Variants in MSN observed in about 807,000 individuals in gnomAD.
MSN encodes moesin.
MSN carries 2 observed loss-of-function variants against 48.0 expected under a neutral mutation model. The observed-to-expected ratio is 0.04, with a 90% CI of 0.02 to 0.13. MSN has a LOEUF of 0.13. Ranked by LOEUF, MSN falls within the 10% of genes least tolerant of loss-of-function variation. MSN has a pLI of 1.00. For missense variants in MSN, 267 were observed against 470.1 expected, an observed-to-expected ratio of 0.57 and a Z score of 3.99; for synonymous variants, 146 against 166.9, an observed-to-expected ratio of 0.87 and a Z score of 0.97.
intron 1 of MSN, among the ~76,000 whole-genome samples, chrX:65,704,990 C>T (rs2071347152): frequency 9.1e-6 from 1 of 110,393 alleles, no homozygotes; most frequent in African/African-American, 3.3e-5. Context: ...AGGCTGGTCT[C>T]GAACTCCTGA....
intron 1 of MSN, among the ~76,000 whole-genome samples, chrX:65,594,282 T>C (rs1283308741): frequency 9.0e-6 from 1 of 111,501 alleles, no homozygotes; most frequent in Admixed American, 9.6e-5. Flanking sequence ...GGGAGTTCTG[T>C]CACCTCAGAG....
intron 4 of MSN, 111 bp from the exon 5 acceptor site, chrX:65,730,996 C>A: frequency 3.6e-6 from 2 of 562,334 alleles, no homozygotes; most frequent in Non-Finnish European, 5.6e-6. Context: ...CCTCAATTGG[C>A]TGACTCTACA....
chrX:65,642,857 T>G (rs55752216), intron 1 of MSN, among the ~76,000 whole-genome samples: 4,558 of 110,142 alleles, frequency 0.041, 236 homozygotes, highest in African/African-American at 0.14. Flanking sequence ...GATGGGAAAG[T>G]CAAGGGCAGG....
At chrX:65,707,054 C>A (rs1255775847) in intron 1 of MSN, among the ~76,000 whole-genome samples, 1 of 111,661 alleles carries the variant, frequency 9.0e-6, no homozygotes, top group Non-Finnish European at 1.9e-5. Context: ...TGTAGCTGGG[C>A]TACAGCTCAC....
intron 1 of MSN, among the ~76,000 whole-genome samples, chrX:65,661,951 T>C (rs2070827217): frequency 8.9e-6 from 1 of 112,120 alleles, no homozygotes; most frequent in African/African-American, 3.2e-5. Context: ...TAGGCGGAGG[T>C]TGCAATGAGC....
chrX:65,633,693 G>A (rs926065177), intron 1 of MSN, among the ~76,000 whole-genome samples: 4 of 111,990 alleles, frequency 3.6e-5, no homozygotes, highest in African/African-American at 1.3e-4. Flanking sequence ...CTTCCTCTGA[G>A]CCTTAGTTGC....
intron 1 of MSN, among the ~76,000 whole-genome samples, chrX:65,591,818 T>A (rs2148347748): frequency 9.0e-6 from 1 of 111,100 alleles, no homozygotes; most frequent in Non-Finnish European, 1.9e-5. Context: ...CCCTCTCAAC[T>A]AGTTCTCCCC....
intron 1 of MSN, among the ~76,000 whole-genome samples, chrX:65,642,168 C>T (rs112411544): frequency 0.11 from 10,501 of 95,348 alleles, 628 homozygotes; most frequent in Middle Eastern, 0.17. Flanking sequence ...GAAACGAAAA[C>T]AACTCAGTGT....
chrX:65,736,601 A>T (rs2071678742), intron 8 of MSN, among the ~76,000 whole-genome samples, 194 bp from the exon 9 acceptor site: 1 of 109,746 alleles, frequency 9.1e-6, no homozygotes, highest in African/African-American at 3.3e-5. Context: ...TGCCCAGCCA[A>T]TTTTTTTTGT....
rs183442426 is a variant in MSN at position 65,620,610 on chromosome X, G to A, written c.-22+31998G>A. 5.4e-3 allele frequency among the ~76,000 whole-genome samples: 603 copies of A among 112,528 alleles called. 4 individuals are homozygous for A. Among genetic ancestry groups the A allele is most frequent in the African/African-American group, 0.017 (528 of 31,120 alleles). Reference sequence around the variant, plus strand: ...CCCACTGACCTGCGCCCACTGTCTGGCACTCCCTAGTGAGATGAACCCGGT... The same window carrying A: ...CCCACTGACCTGCGCCCACTGTCTGACACTCCCTAGTGAGATGAACCCGGT... On this transcript the variant is annotated intron_variant, in intron 1 of 3. Transcript: ENST00000609672.
intron 1 of MSN, among the ~76,000 whole-genome samples, chrX:65,634,309 A>G (rs1190286623): frequency 8.9e-6 from 1 of 112,667 alleles, no homozygotes; most frequent in Non-Finnish European, 1.9e-5. Flanking sequence ...ATGCAAAAGA[A>G]AAACAACAAT....
At chrX:65,729,868 G>T (rs1433905278) in intron 4 of MSN, among the ~76,000 whole-genome samples, 156 bp downstream of exon 4, 1 of 112,547 alleles carries the variant, frequency 8.9e-6, no homozygotes, top group Non-Finnish European at 1.9e-5. Flanking sequence ...TGCATATAGT[G>T]TCAGACTCTG....
At chrX:65,700,598 C>T (rs2071292654) in intron 1 of MSN, among the ~76,000 whole-genome samples, 2 of 111,634 alleles carry the variant, frequency 1.8e-5, no homozygotes, top group Admixed American at 1.9e-4. Context: ...GTCCTGCTAC[C>T]CTGGGGTGCT....
chrX:65,599,654 G>C, intron 1 of MSN, among the ~76,000 whole-genome samples: 1 of 112,088 alleles, frequency 8.9e-6, no homozygotes, highest in Middle Eastern at 4.6e-3. Flanking sequence ...TTCAAAGTAG[G>C]TAGGATTTTG....
At chrX:65,625,056 A>T (rs1319210473) in intron 1 of MSN, 1 of 112,054 alleles carries the variant, frequency 8.9e-6, no homozygotes, top group Non-Finnish European at 1.9e-5. Flanking sequence ...TTGGTTGCTT[A>T]TGTCATTTAA....
At chrX:65,656,013 C>T (rs985697380) in intron 1 of MSN, among the ~76,000 whole-genome samples, 8 of 111,825 alleles carry the variant, frequency 7.2e-5, no homozygotes, top group Non-Finnish European at 7.5e-5. Context: ...GTGATTCACC[C>T]GCCTTGGCCT....
chrX:65,697,447 G>A (rs2071256353), intron 1 of MSN, among the ~76,000 whole-genome samples: 1 of 111,723 alleles, frequency 9.0e-6, no homozygotes, highest in African/African-American at 3.3e-5. Context: ...CAGGGAGTCC[G>A]AGCTGTTTAG....
rs770882351 is a variant in MSN, at chrX:65,735,425, G to A, written c.954G>A (p.Met318Ile). 3 of 1,203,473 alleles carry A rather than the reference G, an allele frequency of 2.5e-6. No individual in the cohort carries two copies. The highest frequency in any genetic ancestry group is 3.4e-6 in the Non-Finnish European group (3 of 890,849). Reference protein sequence around the residue: ...QAREEKHQKQMERAMLENEKK... With the variant: ...QAREEKHQKQIERAMLENEKK... ...GGGAGGAGAAGCACCAGAAGCAGATGGAGCGGTAGGTGCTGCACACTGATG... is the reference window on the plus strand; with the variant it reads ...GGGAGGAGAAGCACCAGAAGCAGATAGAGCGGTAGGTGCTGCACACTGATG... Residue 318 changes from methionine to isoleucine, a missense_variant, in exon 8 of 13, where the codon ATG becomes ATA. Around this residue, in one of 5 missense-constraint regions of MSN, gnomAD observed 58 missense variants for 104.6 expected, o/e 0.55. Coordinates refer to ENST00000360270, the MANE Select transcript of MSN (RefSeq NM_002444.3).
intron 12 of MSN, 129 bp from the exon 13 acceptor site, chrX:65,739,600 A>T: frequency 6.7e-6 from 5 of 745,192 alleles, no homozygotes; most frequent in Non-Finnish European, 7.5e-6. Flanking sequence ...AATGACTCTC[A>T]ATATTTATAT....
Sources: gnomAD v4.1 joint callset for allele counts (sites outside exome capture counted in the v4.1 genomes callset) on GRCh38, gnomAD v4.1.1 for gene constraint, gnomAD v4.1.1 regional missense constraint, MANE v1.5 for transcripts, NCBI Gene and HGNC (gene_info 2026-07-23, HGNC 2026-07-21) for gene names.